The following DOK6 variants were observed in gnomAD, a reference collection of about 807,000 sequenced individuals.
DOK6 encodes the protein docking protein 6.
A neutral mutation model predicts 44.0 loss-of-function variants in DOK6; 22 were observed. That is an observed-to-expected ratio of 0.50 (90% CI 0.36 to 0.71). The LOEUF (loss-of-function observed/expected upper bound fraction) is 0.71, where lower values mean the gene tolerates loss of function less well. Among genes scored for constraint, DOK6 ranks in the 30% least tolerant of loss-of-function variants. DOK6 has a pLI of 0.00. For synonymous variants in DOK6, 166 were observed against 145.5 expected, an observed-to-expected ratio of 1.14 and a Z score of -1.01; for missense variants, 340 against 416.4, an observed-to-expected ratio of 0.82 and a Z score of 1.60.
At chr18:69,597,597 G>A (rs1178258015) in intron 2 of DOK6, among the ~76,000 whole-genome samples, 2 of 152,184 alleles carry the variant, frequency 1.3e-5, no homozygotes, top group Non-Finnish European at 2.9e-5. Flanking sequence ...TTTTAAAAGT[G>A]TAGTCAACAA....
intron 2 of DOK6, among the ~76,000 whole-genome samples, chr18:69,598,363 TAA>T (rs1033667843): frequency 6.6e-6 from 1 of 151,938 alleles, no homozygotes; most frequent in Non-Finnish European, 1.5e-5. Context: ...TTATATCCTG[TAA>T]AAATTCTACA....
intron 7 of DOK6, among the ~76,000 whole-genome samples, chr18:69,765,626 G>A (rs1263238885): frequency 6.6e-6 from 1 of 152,154 alleles, no homozygotes; most frequent in Non-Finnish European, 1.5e-5. Flanking sequence ...ACTGGATTAT[G>A]AGGCAGTAAT....
chr18:69,608,166 T>G (rs1325390093), intron 3 of DOK6, among the ~76,000 whole-genome samples: 1 of 152,230 alleles, frequency 6.6e-6, no homozygotes, highest in Non-Finnish European at 1.5e-5. Flanking sequence ...GCCTTTAATC[T>G]ATTTTGATTT....
chr18:69,741,024 C>T (rs189076649), intron 6 of DOK6, among the ~76,000 whole-genome samples: 236 of 152,260 alleles, frequency 1.5e-3, no homozygotes, highest in African/African-American at 5.2e-3. Context: ...CAAGTAATTG[C>T]TTTTAATGGC....
At chr18:69,499,323 A>G (rs942616386) in intron 1 of DOK6, among the ~76,000 whole-genome samples, 1 of 152,050 alleles carries the variant, frequency 6.6e-6, no homozygotes, top group Non-Finnish European at 1.5e-5. Context: ...ATCCTGAAAA[A>G]TAGAAAACTG....
At chr18:69,533,905 C>T (rs1982050455) in intron 1 of DOK6, among the ~76,000 whole-genome samples, 1 of 152,024 alleles carries the variant, frequency 6.6e-6, no homozygotes, top group South Asian at 2.1e-4. Context: ...CCAATTCATT[C>T]TCTTTAGATA....
At chr18:69,685,685 A>G (rs1986137719) in intron 4 of DOK6, among the ~76,000 whole-genome samples, 1 of 152,198 alleles carries the variant, frequency 6.6e-6, no homozygotes, top group Admixed American at 6.5e-5. Flanking sequence ...TTTGGGGGTA[A>G]TGTACTGTCA....
In DOK6 at chr18:69,814,848, C is replaced by T. The variant is rs566162042; in HGVS notation, c.857-26396C>T. 2.0e-5 allele frequency among the ~76,000 whole-genome samples: 3 copies of T among 152,084 alleles called. No individual in the cohort carries two copies. The South Asian group carries it at 6.2e-4, about 32-fold the overall frequency. On this transcript the variant is annotated intron_variant, in intron 7 of 7. Transcript: ENST00000382713. ...ACCCTCCCCCAACACATGGAGATTA[C>T]AATTCAAGATGAGATTTGGGTGAGT...
intron 7 of DOK6, among the ~76,000 whole-genome samples, chr18:69,823,658 T>C (rs966361212): frequency 2.0e-5 from 3 of 150,702 alleles, no homozygotes; most frequent in Non-Finnish European, 3.0e-5. Context: ...TGTGTGTGTG[T>C]ATTTTAAAGA....
At chr18:69,829,078 A>G (rs1981830941) in intron 7 of DOK6, among the ~76,000 whole-genome samples, 1 of 151,050 alleles carries the variant, frequency 6.6e-6, no homozygotes, top group South Asian at 2.1e-4. Context: ...AGACAAGATT[A>G]GAAAAGTACC....
intron 7 of DOK6, among the ~76,000 whole-genome samples, chr18:69,774,487 C>G (rs1980001672): frequency 6.6e-6 from 1 of 151,704 alleles, no homozygotes; most frequent in African/African-American, 2.4e-5. Context: ...ACACTCATTC[C>G]CCAATAACCT....
intron 1 of DOK6, among the ~76,000 whole-genome samples, chr18:69,512,489 G>A (rs545153762): frequency 1.3e-5 from 2 of 151,868 alleles, no homozygotes; most frequent in East Asian, 3.9e-4. Context: ...GACTACAGGC[G>A]CCCACCACCA....
At chr18:69,446,775 T>A (rs760349751) in intron 1 of DOK6, among the ~76,000 whole-genome samples, 5 of 152,178 alleles carry the variant, frequency 3.3e-5, no homozygotes, top group Non-Finnish European at 2.9e-5. Context: ...GGTATCTCAT[T>A]GTGGTTTTGA....
In DOK6 at chr18:69,797,697, T is replaced by G. The variant is rs549537374; in HGVS notation, c.856+39824T>G. Among the ~76,000 whole-genome samples, 5 of 152,270 alleles carry G rather than the reference T, an allele frequency of 3.3e-5. No individual in the cohort carries two copies. The South Asian group carries it at 6.2e-4, about 19-fold the overall frequency. On this transcript the variant is annotated intron_variant, in intron 7 of 7. Transcript: ENST00000382713. ...TTATTTGGCACTTACTGTTTTCTAT[T>G]TGATGTTACAGATAACATTGCATAG...
At chr18:69,547,086 C>G (rs972202387) in intron 1 of DOK6, among the ~76,000 whole-genome samples, 15 of 151,136 alleles carry the variant, frequency 9.9e-5, no homozygotes, top group Admixed American at 6.6e-4. Flanking sequence ...GGGAACGTAC[C>G]CTTTTTTGTT....
intron 3 of DOK6, among the ~76,000 whole-genome samples, chr18:69,622,253 G>C (rs945340250): frequency 6.6e-6 from 1 of 152,128 alleles, no homozygotes; most frequent in Non-Finnish European, 1.5e-5. Context: ...CCCATAAAGA[G>C]AGAAAATAGA....
At chr18:69,701,326 C>T (rs1986515071) in intron 5 of DOK6, among the ~76,000 whole-genome samples, 1 of 152,204 alleles carries the variant, frequency 6.6e-6, no homozygotes, top group African/African-American at 2.4e-5. Context: ...GGAGCAATTG[C>T]TCTTTTACCA....
At chr18:69,464,093 T>C (rs994128262) in intron 1 of DOK6, among the ~76,000 whole-genome samples, 6 of 152,220 alleles carry the variant, frequency 3.9e-5, no homozygotes, top group African/African-American at 1.4e-4. Flanking sequence ...GTGCACAGTT[T>C]ATCCTGGGCT....
chr18:69,423,756 T>C (rs1168651485), intron 1 of DOK6, among the ~76,000 whole-genome samples: 2 of 152,208 alleles, frequency 1.3e-5, no homozygotes, highest in African/African-American at 2.4e-5. Flanking sequence ...TTTCCAGTTA[T>C]GAAATATTCC....
Sources: allele counts gnomAD v4.1 joint callset (sites outside exome capture counted in the v4.1 genomes callset), GRCh38; gene constraint gnomAD v4.1.1; transcripts MANE v1.5; gene names NCBI Gene and HGNC (gene_info 2026-07-23, HGNC 2026-07-21).